BLVRA: variants seen among roughly 807,000 people sequenced by gnomAD.
BLVRA encodes BVR A.
A neutral mutation model predicts 32.8 loss-of-function variants in BLVRA; 22 were observed. The ratio of observed to expected loss-of-function variants is 0.67; its 90% CI spans 0.48 to 0.96. The LOEUF (loss-of-function observed/expected upper bound fraction) is 0.96, where lower values mean the gene tolerates loss of function less well. Among genes scored for constraint, BLVRA ranks in the 40% least tolerant of loss-of-function variants. BLVRA has a pLI of 0.00. For synonymous variants in BLVRA, 119 were observed against 141.3 expected, an observed-to-expected ratio of 0.84 and a Z score of 1.12; for missense variants, 323 against 358.1, an observed-to-expected ratio of 0.90 and a Z score of 0.79.
chr7:43,801,694 AT>A (rs1268651957), intron 6 of BLVRA, among the ~76,000 whole-genome samples: 1 of 152,248 alleles, frequency 6.6e-6, no homozygotes, highest in East Asian at 1.9e-4. Context: ...ATAAAGTGGT[AT>A]TCACTACCCC....
chr7:43,805,758 G>A (rs1164308141), intron 7 of BLVRA, among the ~76,000 whole-genome samples: 15 of 151,984 alleles, frequency 9.9e-5, no homozygotes, highest in Admixed American at 9.8e-4. Context: ...TTATGAGACT[G>A]GCTGATTTTC....
intron 1 of BLVRA, among the ~76,000 whole-genome samples, chr7:43,766,428 T>C (rs910660100): frequency 2.0e-5 from 3 of 152,286 alleles, no homozygotes. Context: ...ACCATTTAAA[T>C]AGTACACCTT....
At chr7:43,766,774 T>C (rs1585710722) in intron 1 of BLVRA, among the ~76,000 whole-genome samples, 1 of 152,102 alleles carries the variant, frequency 6.6e-6, no homozygotes, top group African/African-American at 2.4e-5. Context: ...CCATGGCAGG[T>C]CCTGCCAGTC....
At chr7:43,782,053 C>T (rs1336107294) in intron 2 of BLVRA, among the ~76,000 whole-genome samples, 2 of 152,316 alleles carry the variant, frequency 1.3e-5, no homozygotes, top group African/African-American at 2.4e-5. Context: ...TCTTTTCTTT[C>T]GTTACCTTCC....
intron 4 of BLVRA, among the ~76,000 whole-genome samples, chr7:43,792,336 A>G (rs2095787075): frequency 6.6e-6 from 1 of 152,246 alleles, no homozygotes; most frequent in Non-Finnish European, 1.5e-5. Flanking sequence ...AAATCTTTTC[A>G]GACTGCCTCA....
At chr7:43,781,436 T>C (rs965041552) in intron 2 of BLVRA, among the ~76,000 whole-genome samples, 1 of 152,100 alleles carries the variant, frequency 6.6e-6, no homozygotes, top group Non-Finnish European at 1.5e-5. Context: ...AACCTCGGCC[T>C]CCCGTTTCAA....
Position 43,803,699 on chromosome 7 carries a change from T to C in BLVRA, c.484T>C (p.Phe162Leu). The change falls in exon 7 of 8, where the codon TTT becomes CTT. Residue 162 changes from phenylalanine to leucine, a missense_variant. Physicochemically the swap from Phe to Leu is conservative, Grantham distance 22 (BLOSUM62 0). Coordinates refer to ENST00000265523, the MANE Select transcript of BLVRA (RefSeq NM_000712.4). Reference sequence around the variant, plus strand: ...AGCTGGCCCGTTGGAAGAAGAGCGGTTTGGCTTCCCTGCATTCAGCGGCAT... The same window carrying C: ...AGCTGGCCCGTTGGAAGAAGAGCGGCTTGGCTTCCCTGCATTCAGCGGCAT... ...FTAGPLEEERFGFPAFSGISR... is the reference protein window; with the variant it reads ...FTAGPLEEERLGFPAFSGISR... 6.2e-7 allele frequency: 1 copy of C among 1,604,554 alleles called. No individual in the cohort carries two copies.
chr7:43,797,347 C>T (rs1563550000), intron 5 of BLVRA, among the ~76,000 whole-genome samples: 1 of 152,258 alleles, frequency 6.6e-6, no homozygotes, highest in African/African-American at 2.4e-5. Context: ...CTGAGCCTCC[C>T]AAAGTGCTGG....
intron 2 of BLVRA, among the ~76,000 whole-genome samples, chr7:43,785,780 T>C (rs1482987325): frequency 6.6e-6 from 1 of 152,218 alleles, no homozygotes; most frequent in Non-Finnish European, 1.5e-5. Context: ...GAAATGGAAG[T>C]GTACTGTTGT....
chr7:43,758,772 G>A (rs2095739062), intron 1 of BLVRA, 38 bp downstream of exon 1: 1 of 151,672 alleles, frequency 6.6e-6, no homozygotes. Flanking sequence ...GCGCGCAGGG[G>A]AGCGGGGGTC....
chr7:43,788,341 G>T (rs1352095520), intron 3 of BLVRA, among the ~76,000 whole-genome samples: 1 of 152,204 alleles, frequency 6.6e-6, no homozygotes, highest in Non-Finnish European at 1.5e-5. Flanking sequence ...AAGGCTTTCG[G>T]TGTGCACCGG....
intron 2 of BLVRA, among the ~76,000 whole-genome samples, chr7:43,777,064 A>T (rs1379098784): frequency 1.5e-4 from 23 of 150,406 alleles, no homozygotes; most frequent in African/African-American, 5.6e-4. Flanking sequence ...TTTCCTGAAT[A>T]CAGCACACTG....
intron 6 of BLVRA, among the ~76,000 whole-genome samples, chr7:43,802,118 GACA>G (rs954479560): frequency 6.6e-6 from 1 of 152,152 alleles, no homozygotes; most frequent in Non-Finnish European, 1.5e-5. Context: ...CAGCCTAGGT[GACA>G]ACGAGACTCT....
intron 7 of BLVRA, among the ~76,000 whole-genome samples, chr7:43,805,412 A>C (rs996194393): frequency 2.0e-5 from 3 of 151,854 alleles, no homozygotes; most frequent in Non-Finnish European, 4.4e-5. Context: ...CCTCCCGAGT[A>C]GCTGGGATTA....
At chr7:43,767,536 C>T in intron 1 of BLVRA, 1 of 1,121,126 alleles carries the variant, frequency 8.9e-7, no homozygotes, top group Non-Finnish European at 1.4e-6. Flanking sequence ...TGGTGCTGGC[C>T]CTCTTTATGT....
chr7:43,799,191 G>A (rs911285228), intron 5 of BLVRA, among the ~76,000 whole-genome samples: 1 of 152,124 alleles, frequency 6.6e-6, no homozygotes, highest in South Asian at 2.1e-4. Context: ...AGACTCCTGC[G>A]ACAGACATCC....
At chr7:43,793,815 G>C (rs1037150755) in intron 5 of BLVRA, among the ~76,000 whole-genome samples, 3 of 151,432 alleles carry the variant, frequency 2.0e-5, no homozygotes, top group Admixed American at 1.3e-4. Flanking sequence ...GTAGAGATGG[G>C]GTTTCACGAT....
chr7:43,772,243 A>C (rs1009690058), intron 2 of BLVRA, among the ~76,000 whole-genome samples: 1 of 152,242 alleles, frequency 6.6e-6, no homozygotes, highest in Non-Finnish European at 1.5e-5. Flanking sequence ...GCAGGTGCCC[A>C]TGTGGCAGCA....
At chr7:43,760,252 C>A (rs991507112) in intron 1 of BLVRA, 12 of 152,156 alleles carry the variant, frequency 7.9e-5, no homozygotes, top group African/African-American at 2.9e-4. Flanking sequence ...CAAAGATTTG[C>A]CACTTTGGGC....
Sources: allele counts gnomAD v4.1 joint callset (sites outside exome capture counted in the v4.1 genomes callset), GRCh38; gene constraint gnomAD v4.1.1; transcripts MANE v1.5; gene names NCBI Gene and HGNC (gene_info 2026-07-23, HGNC 2026-07-21).